NOSTRIN: variants seen among roughly 807,000 people sequenced by gnomAD.
NOSTRIN encodes nitric oxide synthase trafficking.
Under a neutral mutation model 59.0 loss-of-function variants are expected in NOSTRIN, and 63 were observed. That is an observed-to-expected ratio of 1.07 (90% CI 0.87 to 1.32). The LOEUF (loss-of-function observed/expected upper bound fraction) is 1.32, where lower values mean the gene tolerates loss of function less well. Among genes scored for constraint, NOSTRIN ranks in the 40% most tolerant of loss-of-function variants. The pLI is 0.00. For missense variants in NOSTRIN, 512 were observed against 473.1 expected, an observed-to-expected ratio of 1.08 and a Z score of -0.76; for synonymous variants, 200 against 165.4, an observed-to-expected ratio of 1.21 and a Z score of -1.61.
intron 8 of NOSTRIN, among the ~76,000 whole-genome samples, chr2:168,849,458 C>A (rs918741584): frequency 1.3e-5 from 2 of 152,054 alleles, no homozygotes; most frequent in South Asian, 4.2e-4. Context: ...CAGGTCCAAG[C>A]GATTCTCCTG....
chr2:168,831,701 C>T (rs943630063), intron 6 of NOSTRIN, among the ~76,000 whole-genome samples, 167 bp downstream of exon 6: 7 of 152,110 alleles, frequency 4.6e-5, no homozygotes, highest in African/African-American at 1.7e-4. Flanking sequence ...TTCACCAAAC[C>T]AATGGAAGTG....
At chr2:168,838,861 G>A (rs549727848) in intron 7 of NOSTRIN, among the ~76,000 whole-genome samples, 2 of 147,472 alleles carry the variant, frequency 1.4e-5, no homozygotes, top group East Asian at 2.0e-4. Flanking sequence ...AATCTGGGCC[G>A]ACTGCAACCT....
At chr2:168,863,810 C>CAAAGT (rs1689651433) in intron 15 of NOSTRIN, 3 of 241,280 alleles carry the variant, frequency 1.2e-5, no homozygotes, top group Non-Finnish European at 2.0e-5. Context: ...GTGAAACCCT[C>CAAAGT]AAAGTACGGA....
intron 3 of NOSTRIN, 56 bp downstream of exon 3, chr2:168,824,773 T>TTTGTTTGTTTGC: frequency 1.3e-6 from 1 of 784,922 alleles, no homozygotes; most frequent in Admixed American, 1.9e-5. Context: ...TTGTTTTTTG[T>TTTGTTTGTTTGC]TTGTTTGTTT....
At chr2:168,841,726 A>C (rs1272170338) in intron 7 of NOSTRIN, among the ~76,000 whole-genome samples, 2 of 152,172 alleles carry the variant, frequency 1.3e-5, no homozygotes, top group African/African-American at 4.8e-5. Flanking sequence ...AGTTTGGCTG[A>C]AAATCACTGA....
rs1030573945 is a variant in NOSTRIN, at chr2:168,865,100, A to G, written c.*130A>G. 4.6e-5 allele frequency: 43 copies of G among 934,164 alleles called. No homozygotes were observed. The highest frequency in any genetic ancestry group is 6.2e-5 in the Non-Finnish European group (39 of 631,780). The allele number at this position is 934,164 out of a possible 1,614,324, so 57.9% of individuals were successfully genotyped here. Reference sequence around the variant, plus strand: ...GGATGGAGTTCTACCTGCATGTCACAGCACTTTGCATTCATGATTATTAGC... The same window carrying G: ...GGATGGAGTTCTACCTGCATGTCACGGCACTTTGCATTCATGATTATTAGC... On this transcript the variant is annotated 3_prime_UTR_variant, in exon 16 of 16. Coordinates refer to ENST00000317647, the MANE Select transcript of NOSTRIN (RefSeq NM_001039724.4).
chr2:168,791,642 C>T, intron 2 of NOSTRIN, among the ~76,000 whole-genome samples: 1 of 152,190 alleles, frequency 6.6e-6, no homozygotes, highest in Non-Finnish European at 1.5e-5. Context: ...TCCACATCCT[C>T]TCCAGCACCT....
chr2:168,863,645 G>A, intron 15 of NOSTRIN: 2 of 962,088 alleles, frequency 2.1e-6, no homozygotes, highest in South Asian at 1.0e-4. Flanking sequence ...ATTTTGAATG[G>A]GGAGTTACAT....
chr2:168,855,408 A>G lies in NOSTRIN; in HGVS notation c.912A>G (p.Pro304=). ...AGAGACGAAAGTCTTTACTAAAACC[A>G]AAATTATTGAGACTGCAGAGAGACA... is the stretch of plus-strand genomic sequence containing the variant. ...DKERRKSLLK[P]KLLRLQRDIE... Residue 304 remains proline, a synonymous_variant, in exon 11 of 16, where the codon CCA becomes CCG. Coordinates refer to ENST00000317647, the MANE Select transcript of NOSTRIN (RefSeq NM_001039724.4). 6.2e-7 allele frequency: 1 copy of G among 1,611,994 alleles called. No homozygotes were observed. Among genetic ancestry groups the G allele is most frequent in the East Asian group, 2.2e-5 (1 of 44,766 alleles).
intron 2 of NOSTRIN, among the ~76,000 whole-genome samples, chr2:168,823,819 G>T (rs1686901632): frequency 6.6e-6 from 1 of 152,344 alleles, no homozygotes; most frequent in Middle Eastern, 3.4e-3. Flanking sequence ...GCTCACGCCT[G>T]TAATCCCAGC....
chr2:168,831,420 C>T, intron 5 of NOSTRIN, 52 bp from the exon 6 acceptor site: 1 of 836,186 alleles, frequency 1.2e-6, no homozygotes, highest in South Asian at 1.3e-5. Context: ...TCTATTACAG[C>T]AACTAAACAA....
intron 2 of NOSTRIN, among the ~76,000 whole-genome samples, chr2:168,821,000 C>A (rs1686704273): frequency 6.6e-6 from 1 of 152,124 alleles, no homozygotes; most frequent in South Asian, 2.1e-4. Flanking sequence ...AGCCAACGGA[C>A]AAGAAAACGG....
upstream of NOSTRIN, among the ~76,000 whole-genome samples, chr2:168,797,297 A>C (rs569294779): frequency 6.6e-6 from 1 of 151,976 alleles, no homozygotes; most frequent in South Asian, 2.1e-4. Flanking sequence ...GGGTTTTACC[A>C]TGTTGCCCAG....
At position 168,865,381 on chromosome 2, in the gene NOSTRIN, G is replaced by GCA. The variant is rs1559149526; in HGVS notation, c.*411_*412insCA. 1 of 160,940 alleles carries GCA rather than the reference G, an allele frequency of 6.2e-6. No individual in the cohort carries two copies. The highest frequency in any genetic ancestry group is 2.4e-5 in the African/African-American group (1 of 41,550). 10.0% of individuals were successfully genotyped at this position (160,940 alleles called of 1,614,324 possible). A position where few individuals can be genotyped will look rare whatever the true frequency, so the allele number is the denominator to read the frequency against. ...GCAACAGAACACAGCAGGCCTATGA[G>GCA]GGGGTCAAGCAGAGCCTGGGAGATG... On this transcript the variant is annotated 3_prime_UTR_variant, in exon 16 of 16. Coordinates refer to ENST00000317647, the MANE Select transcript of NOSTRIN (RefSeq NM_001039724.4).
chr2:168,802,561 G>C, upstream of NOSTRIN: 1 of 827,918 alleles, frequency 1.2e-6, no homozygotes, highest in South Asian at 1.4e-5. Flanking sequence ...TTTGAATCCC[G>C]GAAGTCCAGG....
intron 7 of NOSTRIN, among the ~76,000 whole-genome samples, chr2:168,834,529 A>G (rs907280402): frequency 2.7e-5 from 4 of 149,920 alleles, no homozygotes; most frequent in African/African-American, 7.4e-5. Flanking sequence ...ACACACACAC[A>G]CACACACACA....
intron 7 of NOSTRIN, among the ~76,000 whole-genome samples, chr2:168,836,677 C>A (rs909052599): frequency 6.6e-6 from 1 of 152,154 alleles, no homozygotes; most frequent in Non-Finnish European, 1.5e-5. Context: ...CAGTATCTTG[C>A]CTCCTACCTC....
intron 1 of NOSTRIN, among the ~76,000 whole-genome samples, chr2:168,805,018 TATC>T (rs1200217561): frequency 6.6e-6 from 1 of 152,218 alleles, no homozygotes; most frequent in Non-Finnish European, 1.5e-5. Flanking sequence ...AAGCACATAA[TATC>T]ATAATTTTAA....
At chr2:168,847,193 T>C (rs1481791351) in intron 8 of NOSTRIN, among the ~76,000 whole-genome samples, 1 of 152,176 alleles carries the variant, frequency 6.6e-6, no homozygotes, top group Admixed American at 6.5e-5. Context: ...AATTTCAAAT[T>C]TGAATAATTT....
Sources: allele counts gnomAD v4.1 joint callset (sites outside exome capture counted in the v4.1 genomes callset), GRCh38; gene constraint gnomAD v4.1.1; transcripts MANE v1.5; gene names NCBI Gene and HGNC (gene_info 2026-07-23, HGNC 2026-07-21).